The following PCDHA5 variants were observed in gnomAD, a reference collection of about 807,000 sequenced individuals.
PCDHA5 encodes protocadherin alpha-5.
In PCDHA5, 43 loss-of-function variants were observed where a neutral mutation model predicts 61.6. The ratio of observed to expected loss-of-function variants is 0.70; its 90% CI spans 0.55 to 0.90. The LOEUF is 0.90. Ranked by LOEUF, PCDHA5 falls within the 40% of genes least tolerant of loss-of-function variation. The pLI is 0.00. For synonymous variants in PCDHA5, 627 were observed against 543.9 expected, an observed-to-expected ratio of 1.15 and a Z score of -2.13; for missense variants, 1,298 against 1,222.7, an observed-to-expected ratio of 1.06 and a Z score of -0.92.
Position 140,892,511 on chromosome 5 carries a change from C to T in PCDHA5, c.2352+68384C>T, listed in dbSNP as rs115588708. Among the ~76,000 whole-genome samples the T allele has an allele frequency of 8.0e-3, 1,214 of 152,282 alleles. 6 individuals carry two copies. Among genetic ancestry groups the T allele is most frequent in the African/African-American group, 0.019 (784 of 41,558 alleles). On this transcript the variant is annotated intron_variant, in intron 1 of 3. Coordinates refer to ENST00000529859, the MANE Select transcript of PCDHA5 (RefSeq NM_018908.3). ...TGAGAGATTGTTTAAGAAGTTCCAC[C>T]ATGACTGGTAGACTCAGGATTCTGA...
At position 140,848,871 on chromosome 5, in the gene PCDHA5, A is replaced by G. The variant is rs2040646232; in HGVS notation, c.2352+24744A>G. The G allele has an allele frequency of 4.4e-6, 7 of 1,590,744 alleles. 1 individual carries two copies. The African/African-American group carries it at 6.8e-5, about 15-fold the overall frequency. On this transcript the variant is annotated intron_variant, in intron 1 of 3. Coordinates refer to ENST00000529859, the MANE Select transcript of PCDHA5 (RefSeq NM_018908.3). ...CCATGTGGACGTGGAGGTGAAGGAC[A>G]TTAACGACAACCCTCCAGTGTTCCC...
At chr5:140,917,326 G>GT (rs1425389614) in intron 1 of PCDHA5, among the ~76,000 whole-genome samples, 1 of 149,490 alleles carries the variant, frequency 6.7e-6, no homozygotes, top group Non-Finnish European at 1.5e-5. Flanking sequence ...TCATGTGGCG[G>GT]GGGAGGGGGG....
chr5:140,971,778 G>T (rs1346530602), intron 1 of PCDHA5, among the ~76,000 whole-genome samples: 1 of 151,860 alleles, frequency 6.6e-6, no homozygotes, highest in Admixed American at 6.6e-5. Flanking sequence ...TATTATTCAA[G>T]ATTATTCAAT....
intron 3 of PCDHA5, among the ~76,000 whole-genome samples, chr5:141,000,542 C>T (rs1331109215): frequency 6.7e-6 from 1 of 148,268 alleles, no homozygotes; most frequent in Non-Finnish European, 1.5e-5. Context: ...ATTCTCATGC[C>T]TCAAACTCCC....
In PCDHA5 at chr5:140,856,020, G is replaced by C. The variant is rs782082828; in HGVS notation, c.2352+31893G>C. 111 of 1,553,262 alleles carry C rather than the reference G, an allele frequency of 7.1e-5. 11 individuals are homozygous for C. Among genetic ancestry groups the C allele is most frequent in the Non-Finnish European group, 9.5e-5 (109 of 1,143,834 alleles). ...TATGTGCGTTCTAGACCGCTGATTC[G>C]TCGATTTGTAAAACAAGAGAAGGAT... On this transcript the variant is annotated intron_variant, in intron 1 of 3. Coordinates refer to ENST00000529859, the MANE Select transcript of PCDHA5 (RefSeq NM_018908.3).
chr5:140,882,453 G>A, intron 1 of PCDHA5: 3 of 1,614,042 alleles, frequency 1.9e-6, no homozygotes, highest in Non-Finnish European at 2.5e-6. Flanking sequence ...CTGGTGCCGC[G>A]CCTGTTCCGG....
At chr5:140,868,633 C>T (rs1554162141) in intron 1 of PCDHA5, 1 of 154,552 alleles carries the variant, frequency 6.5e-6, no homozygotes, top group Non-Finnish European at 1.4e-5. Flanking sequence ...AATTCTCTTT[C>T]TCTCTCACTC....
chr5:140,823,586 C>T lies in PCDHA5; in HGVS notation c.1811C>T (p.Ala604Val), dbSNP rs2150127192. 1.2e-6 allele frequency: 2 copies of T among 1,614,018 alleles called. No individual in the cohort carries two copies. Among genetic ancestry groups the T allele is most frequent in the Non-Finnish European group, 8.5e-7 (1 of 1,179,928 alleles). Residue 604 changes from alanine to valine, a missense_variant, in exon 1 of 4, where the codon GCT (alanine) becomes GTT (valine). Coordinates refer to ENST00000529859, the MANE Select transcript of PCDHA5 (RefSeq NM_018908.3). ...RAVDPDSGYN[A>V]WLSYELQPAP... ...GTGGACCCTGATTCGGGCTACAACG[C>T]TTGGCTTTCGTATGAGCTGCAGCCA...
chr5:140,849,102 G>A, intron 1 of PCDHA5: 1 of 1,468,874 alleles, frequency 6.8e-7, no homozygotes, highest in Non-Finnish European at 9.2e-7. Context: ...TTTAGACAGA[G>A]AAGAAACTCC....
At chr5:140,856,020 G>T in intron 1 of PCDHA5, 4 of 1,553,378 alleles carry the variant, frequency 2.6e-6, no homozygotes, top group South Asian at 1.2e-5. Context: ...CCGCTGATTC[G>T]TCGATTTGTA....
At chr5:140,956,622 C>T (rs1438482570) in intron 1 of PCDHA5, among the ~76,000 whole-genome samples, 2 of 152,008 alleles carry the variant, frequency 1.3e-5, no homozygotes, top group African/African-American at 4.8e-5. Context: ...CTTTTTGTTG[C>T]ATCTCTGCCA....
At chr5:140,857,192 G>A in intron 1 of PCDHA5, 2 of 1,598,474 alleles carry the variant, frequency 1.3e-6, no homozygotes, top group Non-Finnish European at 1.7e-6. Context: ...AGGAGCCAAC[G>A]GACAGGTCAC....
intron 1 of PCDHA5, chr5:140,883,340 C>T (rs2059560429): frequency 6.2e-7 from 1 of 1,614,140 alleles, no homozygotes; most frequent in Non-Finnish European, 8.5e-7. Flanking sequence ...TTTGTCACTC[C>T]CCATCAGAGA....
Position 140,891,839 on chromosome 5 carries a change from T to C in PCDHA5, c.2352+67712T>C, listed in dbSNP as rs10074902. Among the ~76,000 whole-genome samples, 663 of 152,284 alleles carry C rather than the reference T, an allele frequency of 4.4e-3. 7 individuals carry two copies. The highest frequency in any genetic ancestry group is 0.015 in the African/African-American group (618 of 41,564). On this transcript the variant is annotated intron_variant, in intron 1 of 3. Coordinates refer to ENST00000529859, the MANE Select transcript of PCDHA5 (RefSeq NM_018908.3). ...TTAACGGCACTGTAAAAGGACTTGA[T>C]GGAAGGAGCCTGTCCCTCTCTTATG...
At chr5:140,881,650 T>C (rs508730) in intron 1 of PCDHA5, among the ~76,000 whole-genome samples, 2,267 of 152,332 alleles carry the variant, frequency 0.015, 53 homozygotes, top group African/African-American at 0.052. Flanking sequence ...ATTTTTCACC[T>C]TCACCGATTT....
In PCDHA5 at chr5:140,839,940, AAGG is replaced by A. The variant is rs1354823324; in HGVS notation, c.2352+15816_2352+15818del. ...AACCTTGAACAAAGAGTGTGCCAAG[AAGG>A]AGACAACATATTTTCTGTAAAATAT... is the stretch of plus-strand genomic sequence containing the variant. On this transcript the variant is annotated intron_variant, in intron 1 of 3. Coordinates refer to ENST00000529859, the MANE Select transcript of PCDHA5 (RefSeq NM_018908.3). Among the ~76,000 whole-genome samples the A allele has an allele frequency of 2.0e-5, 3 of 152,174 alleles. No homozygotes were observed. In the East Asian group the frequency reaches 5.8e-4, roughly 29 times the overall value.
chr5:140,877,582 A>G, intron 1 of PCDHA5: 1 of 1,613,772 alleles, frequency 6.2e-7, no homozygotes, highest in East Asian at 2.2e-5. Context: ...CATCATCGCC[A>G]TCTGTGCGGT....
chr5:140,849,684 C>A (rs782599904), intron 1 of PCDHA5: 2 of 1,598,734 alleles, frequency 1.3e-6, no homozygotes, highest in Non-Finnish European at 8.6e-7. Flanking sequence ...CCCCTTCAAG[C>A]TGGTGTCCAC....
intron 1 of PCDHA5, among the ~76,000 whole-genome samples, chr5:140,938,665 G>A (rs542703903): frequency 7.1e-4 from 108 of 152,106 alleles, no homozygotes; most frequent in Admixed American, 1.2e-3. Context: ...ATTAGACTTA[G>A]TTTCCTAACA....
Sources: allele counts gnomAD v4.1 joint callset (sites outside exome capture counted in the v4.1 genomes callset), GRCh38; gene constraint gnomAD v4.1.1; transcripts MANE v1.5; gene names NCBI Gene and HGNC (gene_info 2026-07-23, HGNC 2026-07-21).